IKZF3: variants seen among roughly 807,000 people sequenced by gnomAD.
IKZF3 encodes the protein zinc finger protein Aiolos.
A neutral mutation model predicts 49.0 loss-of-function variants in IKZF3; 10 were observed. The ratio of observed to expected loss-of-function variants is 0.20; its 90% CI spans 0.13 to 0.35. The LOEUF is 0.35. IKZF3 is among the 10% of genes least tolerant of loss of function. The pLI is 1.00. For synonymous variants in IKZF3, 209 were observed against 228.2 expected (o/e 0.92, Z 0.76); for missense variants, 498 against 664.8 (o/e 0.75, Z 2.76).
intron 5 of IKZF3, 102 bp downstream of exon 5, chr17:39,791,314 G>C: frequency 8.0e-7 from 1 of 1,242,330 alleles, no homozygotes. Flanking sequence ...TTCAGAACAA[G>C]AATGACAGAT....
intron 6 of IKZF3, among the ~76,000 whole-genome samples, chr17:39,784,681 C>T (rs1219219800): frequency 6.6e-6 from 1 of 152,196 alleles, no homozygotes; most frequent in East Asian, 1.9e-4. Flanking sequence ...GGATTACAGG[C>T]GCGACCCACC....
chr17:39,850,211 A>AGC (rs2144497388), intron 1 of IKZF3, among the ~76,000 whole-genome samples: 1 of 142,656 alleles, frequency 7.0e-6, no homozygotes, highest in African/African-American at 2.6e-5. Flanking sequence ...TATACTATAT[A>AGC]ACATATTATG....
chr17:39,850,369 ATATGTATATATAATATATAGCATATTG>A (rs1568063095), intron 1 of IKZF3, among the ~76,000 whole-genome samples: 26 of 127,896 alleles, frequency 2.0e-4, no homozygotes, highest in East Asian at 1.2e-3. Flanking sequence ...AGCATATTAT[ATATGTATATATAATATATAGCATATTG>A]TATGTATATA....
chr17:39,838,998 T>C (rs2062385340), intron 1 of IKZF3, among the ~76,000 whole-genome samples: 1 of 152,082 alleles, frequency 6.6e-6, no homozygotes. Context: ...CACATCTGGC[T>C]CTTAAAGTTT....
chr17:39,844,613 G>T (rs1030246629), intron 1 of IKZF3, among the ~76,000 whole-genome samples: 3 of 151,290 alleles, frequency 2.0e-5, no homozygotes, highest in African/African-American at 7.3e-5. Context: ...TCATTTTTTT[G>T]GGGGGGACAG....
At chr17:39,850,319 ATAT>A (rs1568062939) in intron 1 of IKZF3, among the ~76,000 whole-genome samples, 1 of 139,366 alleles carries the variant, frequency 7.2e-6, no homozygotes, top group East Asian at 2.0e-4. Flanking sequence ...ATACATGTAC[ATAT>A]AATATATAGC....
chr17:39,796,697 C>T (rs1397931451), intron 3 of IKZF3, among the ~76,000 whole-genome samples: 1 of 151,378 alleles, frequency 6.6e-6, no homozygotes, highest in Non-Finnish European at 1.5e-5. Flanking sequence ...CCCACCACCA[C>T]ACCTGGCTAT....
At chr17:39,773,577 C>T (rs923574897) in intron 7 of IKZF3, among the ~76,000 whole-genome samples, 1 of 152,048 alleles carries the variant, frequency 6.6e-6, no homozygotes, top group Non-Finnish European at 1.5e-5. Flanking sequence ...ATGTTCTTTT[C>T]GTTATGAAAA....
intron 7 of IKZF3, among the ~76,000 whole-genome samples, chr17:39,775,937 A>AG (rs1555627350): frequency 4.0e-4 from 60 of 151,360 alleles, no homozygotes; most frequent in Middle Eastern, 3.4e-3. Flanking sequence ...AAAAAAAAAA[A>AG]AAAGAAAGAA....
Position 39,765,271 on chromosome 17 carries a change from A to C in IKZF3, c.*519T>G, listed in dbSNP as rs1403779180. On this transcript the variant is annotated 3_prime_UTR_variant, in exon 8 of 8. Coordinates refer to ENST00000346872, the MANE Select transcript of IKZF3 (RefSeq NM_012481.5). ...GGGTCTTCAGTTACTCGTAACAGAT[A>C]CTTATTTTATGGCTGTTCTTTTACT... The C allele has an allele frequency of 6.6e-6, 1 of 152,544 alleles. No homozygotes were observed. The highest frequency in any genetic ancestry group is 1.9e-4 in the East Asian group (1 of 5,332). 9.4% of individuals were successfully genotyped at this position (152,544 alleles called of 1,614,324 possible).
chr17:39,852,105 C>T (rs1394391524), intron 1 of IKZF3, among the ~76,000 whole-genome samples: 1 of 152,130 alleles, frequency 6.6e-6, no homozygotes, highest in Admixed American at 6.6e-5. Context: ...ATTGGGATTT[C>T]AAAATGTTTC....
chr17:39,858,274 C>T lies in IKZF3; in HGVS notation c.7+5846G>A, dbSNP rs150341411. ...ACGAGTTCAAGACCAGCCTGGGTAA[C>T]ATAGCAAGACTATGTCTCTATTAAA... On this transcript the variant is annotated intron_variant, in intron 1 of 7. Transcript: ENST00000346872. Among the ~76,000 whole-genome samples the T allele has an allele frequency of 5.8e-4, 88 of 151,952 alleles. 1 individual carries two copies. In the East Asian group the frequency reaches 0.016, roughly 28 times the overall value.
chr17:39,824,468 T>C lies in IKZF3; in HGVS notation c.163+4919A>G, dbSNP rs551459600. Reference sequence around the variant, plus strand: ...TGGGGGACTGTTAGGGAGGCATGATTGTGTTTTGAAATATGAGGACATGCG... The same window carrying C: ...TGGGGGACTGTTAGGGAGGCATGATCGTGTTTTGAAATATGAGGACATGCG... On this transcript the variant is annotated intron_variant, in intron 3 of 7. Coordinates refer to ENST00000346872, the MANE Select transcript of IKZF3 (RefSeq NM_012481.5). Among the ~76,000 whole-genome samples the C allele has an allele frequency of 1.6e-4, 25 of 152,206 alleles. No individual in the cohort carries two copies. The South Asian group carries it at 5.0e-3, about 30-fold the overall frequency.
intron 7 of IKZF3, among the ~76,000 whole-genome samples, chr17:39,775,419 C>A (rs888863975): frequency 6.6e-6 from 1 of 152,116 alleles, no homozygotes; most frequent in African/African-American, 2.4e-5. Flanking sequence ...AGCAAACAAA[C>A]GAAATAGATC....
At chr17:39,857,945 G>A (rs1486957745) in intron 1 of IKZF3, among the ~76,000 whole-genome samples, 2 of 145,066 alleles carry the variant, frequency 1.4e-5, no homozygotes, top group Non-Finnish European at 3.0e-5. Context: ...AATGTAGAGA[G>A]ACCTCATCTC....
Position 39,766,734 on chromosome 17 carries a change from A to G in IKZF3, c.827-241T>C, listed in dbSNP as rs528195485. ...GAGGGGCAGAGATGTGGTTCAGTTG[A>G]GGCCACATGGTAAGGTATGCCCACT... On this transcript the variant is annotated intron_variant, in intron 7 of 7. Transcript: ENST00000346872. Among the ~76,000 whole-genome samples, 82 of 152,230 alleles carry G rather than the reference A, an allele frequency of 5.4e-4. No individual in the cohort carries two copies. The South Asian group carries it at 0.017, about 32-fold the overall frequency.
chr17:39,777,152 A>G (rs2060610884), intron 7 of IKZF3, among the ~76,000 whole-genome samples: 1 of 152,242 alleles, frequency 6.6e-6, no homozygotes, highest in Admixed American at 6.5e-5. Context: ...AAATGATTAA[A>G]TCAAACCTTG....
chr17:39,778,361 C>A, intron 6 of IKZF3: 1 of 168,594 alleles, frequency 5.9e-6, no homozygotes, highest in Non-Finnish European at 1.2e-5. Context: ...TATTCTGTTT[C>A]TCTGTGCTCT....
chr17:39,862,913 G>C (rs1314948987), intron 1 of IKZF3, among the ~76,000 whole-genome samples: 1 of 152,146 alleles, frequency 6.6e-6, no homozygotes, highest in East Asian at 1.9e-4. Flanking sequence ...AAATACTCCA[G>C]TTTCTATGGA....
Sources: allele counts gnomAD v4.1 joint callset (sites outside exome capture counted in the v4.1 genomes callset), GRCh38; gene constraint gnomAD v4.1.1; transcripts MANE v1.5; gene names NCBI Gene and HGNC (gene_info 2026-07-23, HGNC 2026-07-21).